GGN: variants seen among roughly 807,000 people sequenced by gnomAD.
GGN encodes gametogenetin.
Under a neutral mutation model 35.5 loss-of-function variants are expected in GGN, and 27 were observed. The ratio of observed to expected loss-of-function variants is 0.76; its 90% CI spans 0.56 to 1.05. The LOEUF is 1.05. GGN is among the 50% of genes least tolerant of loss of function. The pLI, the probability that GGN is intolerant of heterozygous loss-of-function variation, is 0.00. For synonymous variants in GGN, 425 were observed against 444.1 expected (o/e 0.96, Z 0.54); for missense variants, 1,006 against 940.7 (o/e 1.07, Z -0.91).
At position 38,386,959 on chromosome 19, in the gene GGN, C is replaced by T. The variant is rs1283556689; in HGVS notation, c.303G>A (p.Ala101=). 2 of 1,541,006 alleles carry T rather than the reference C, an allele frequency of 1.3e-6. No homozygotes were observed. Residue 101 remains alanine (A), a synonymous_variant, in exon 3 of 4, where the codon GCG becomes GCA. Coordinates refer to ENST00000334928, the MANE Select transcript of GGN (RefSeq NM_152657.4). ...TAGACGGGCCGGGCAGCAGAGTCCC[C>T]GCGGGGGCCGGGGGTGGTGCAGAGA... is the stretch of plus-strand genomic sequence containing the variant. The part of the protein sequence containing the change: ...AAVSAPPPAP[A]GTLLPGPSKW...
At position 38,385,754 on chromosome 19, in the gene GGN, G is replaced by T. The variant is rs1007622843; in HGVS notation, c.1508C>A (p.Thr503Asn). The T allele has an allele frequency of 1.3e-6, 2 of 1,596,008 alleles. No homozygotes were observed. ...APAPSPAPAP[T>N]VAEPSPPVSA... is the part of the protein sequence containing the mutation. Reference sequence around the variant, plus strand: ...CACAGGCGGCGAGGGCTCAGCCACGGTGGGAGCTGGAGCCGGGGATGGGGC... The same window carrying T: ...CACAGGCGGCGAGGGCTCAGCCACGTTGGGAGCTGGAGCCGGGGATGGGGC... Residue 503 changes from threonine to asparagine, a missense_variant, in exon 3 of 4, where the codon ACC becomes AAC. Thr to Asn is a moderately conservative substitution (Grantham distance 65, BLOSUM62 0). Transcript: ENST00000334928.
Position 38,386,385 on chromosome 19 carries a change from G to T in GGN, c.877C>A (p.Pro293Thr), listed in dbSNP as rs756975352. ...ISYAEVLKQG[P>T]LPPGAARPLG... ...GGGCGAGCGGCTCCAGGAGGCAGGGGCCCTTGCTTCAGGACCTCGGCGTAA... is the reference window on the plus strand; with the variant it reads ...GGGCGAGCGGCTCCAGGAGGCAGGGTCCCTTGCTTCAGGACCTCGGCGTAA... Residue 293 changes from proline (P) to threonine (T), a missense_variant, in exon 3 of 4, where the codon CCC becomes ACC. By Grantham distance (38) the Pro-to-Thr change is conservative. Coordinates refer to ENST00000334928, the MANE Select transcript of GGN (RefSeq NM_152657.4). 10 of 1,612,944 alleles carry T rather than the reference G, an allele frequency of 6.2e-6. No individual in the cohort carries two copies. Among genetic ancestry groups the T allele is most frequent in the Non-Finnish European group, 8.5e-6 (10 of 1,179,878 alleles).
Position 38,385,782 on chromosome 19 carries a change from G to A in GGN, c.1480C>T (p.Pro494Ser). 6.4e-7 allele frequency: 1 copy of A among 1,557,776 alleles called. No individual in the cohort carries two copies. The highest frequency in any genetic ancestry group is 8.6e-7 in the Non-Finnish European group (1 of 1,156,522). ...GGAGCTGGAGCCGGGGATGGGGCCGGGGCCTGGTCGGCGGCTAAGGCTGGG... is the reference window on the plus strand; with the variant it reads ...GGAGCTGGAGCCGGGGATGGGGCCGAGGCCTGGTCGGCGGCTAAGGCTGGG... ...LPPALAADQA[P>S]APSPAPAPTV... Residue 494 changes from proline to serine, a missense_variant, in exon 3 of 4, where the codon CCG becomes TCG. Coordinates refer to ENST00000334928, the MANE Select transcript of GGN (RefSeq NM_152657.4).
At chr19:38,385,128 C>G (rs2145134126) in intron 3 of GGN, among the ~76,000 whole-genome samples, 1 of 152,300 alleles carries the variant, frequency 6.6e-6, no homozygotes, top group African/African-American at 2.4e-5. Context: ...AGGGTCAGGC[C>G]AGCTGGGACC....
At position 38,384,439 on chromosome 19, in the gene GGN, G is replaced by T. The variant is rs781391103; in HGVS notation, c.1932C>A (p.Tyr644Ter). ...SGSLVAKLEH[Y>*]DLQATHSN ...AGTTGGAATGGGTGGCCTGCAAGTC[G>T]TAGTGCTCCAGCTTGGCCACCAGAG... Residue 644 changes from tyrosine to a stop codon, truncating the protein, a stop_gained, in exon 4 of 4, where the codon TAC becomes TAA. Transcript: ENST00000334928. LOFTEE classifies it high-confidence loss of function. 6.2e-7 allele frequency: 1 copy of T among 1,613,792 alleles called. No homozygotes were observed. Among genetic ancestry groups the T allele is most frequent in the African/African-American group, 1.3e-5 (1 of 74,920 alleles).
In GGN at chr19:38,385,616, C is replaced by T. The variant is rs1376216687; in HGVS notation, c.1646G>A (p.Arg549His). The T allele has an allele frequency of 5.0e-6, 8 of 1,614,000 alleles. No individual in the cohort carries two copies. In the South Asian group the frequency reaches 6.6e-5, roughly 13 times the overall value. ...RKDGLHGDGP[R>H]ERATATVPDS... ...AGGCACGGTAGCTGTAGCTCGTTCG[C>T]GAGGACCATCTCCATGCAAGCCATC... Residue 549 changes from arginine to histidine, a missense_variant, in exon 3 of 4, where the codon CGC (arginine) becomes CAC (histidine). Transcript: ENST00000334928.
In GGN at chr19:38,386,385, G is replaced by A; in HGVS notation, c.877C>T (p.Pro293Ser). Reference protein sequence around the residue: ...ISYAEVLKQGPLPPGAARPLG... With the variant: ...ISYAEVLKQGSLPPGAARPLG... ...GGGCGAGCGGCTCCAGGAGGCAGGG[G>A]CCCTTGCTTCAGGACCTCGGCGTAA... The change falls in exon 3 of 4, where the codon CCC becomes TCC. Residue 293 changes from proline to serine, a missense_variant. Transcript: ENST00000334928. The A allele has an allele frequency of 6.2e-7, 1 of 1,612,944 alleles. No homozygotes were observed. Among genetic ancestry groups the A allele is most frequent in the Non-Finnish European group, 8.5e-7 (1 of 1,179,878 alleles).
At chr19:38,388,247 C>A (rs891113691), upstream of GGN, among the ~76,000 whole-genome samples, 7 of 152,166 alleles carry the variant, frequency 4.6e-5, no homozygotes, top group African/African-American at 1.4e-4. Flanking sequence ...CTCCTTCCCC[C>A]CGGGCGCCGA....
At chr19:38,384,587 T>G (rs1970679626) in intron 3 of GGN, 58 bp from the exon 4 acceptor site, 2 of 1,242,376 alleles carry the variant, frequency 1.6e-6, no homozygotes, top group African/African-American at 3.0e-5. Context: ...CTCTAGCCCT[T>G]CTAGGGCCTC....
Position 38,387,581 on chromosome 19 carries a change from C to T in GGN, c.-20+180G>A, listed in dbSNP as rs2145144249. 6.6e-6 allele frequency among the ~76,000 whole-genome samples: 1 copy of T among 152,318 alleles called. No homozygotes were observed. The highest frequency in any genetic ancestry group is 2.1e-4 in the South Asian group (1 of 4,830). On this transcript the variant is annotated intron_variant, in intron 2 of 3. Transcript: ENST00000334928. This position sits in a 1 kb window ranked among gnomAD's most constrained non-coding sequence, Gnocchi z 5.3. ...TCAGTCCTCTCCTCTAACTCTCCGA[C>T]TCCCCGCCTCTCTCTAGAGCACCTG... is the stretch of plus-strand genomic sequence containing the variant.
chr19:38,385,922 G>T lies in GGN; in HGVS notation c.1340C>A (p.Pro447His). 1 of 1,574,904 alleles carries T rather than the reference G, an allele frequency of 6.3e-7. No homozygotes were observed. The highest frequency in any genetic ancestry group is 8.6e-7 in the Non-Finnish European group (1 of 1,162,042). Residue 447 changes from proline (P) to histidine (H), a missense_variant, in exon 3 of 4, where the codon CCC becomes CAC. Physicochemically the swap from Pro to His is moderately conservative, Grantham distance 77. Coordinates refer to ENST00000334928, the MANE Select transcript of GGN (RefSeq NM_152657.4). ...CTGGAGCGCTGGTGGCTGCAGTGTG[G>T]GCGGCGGTGTGGGCGGTGGCAGCGG... ...LPPLPPPTPP[P>H]TLQPPALQPT...
Position 38,387,221 on chromosome 19 carries a change from G to A in GGN, c.41C>T (p.Ser14Phe). Residue 14 changes from serine to phenylalanine, a missense_variant, in exon 3 of 4, where the codon TCC becomes TTC. Coordinates refer to ENST00000334928, the MANE Select transcript of GGN (RefSeq NM_152657.4). This position sits in a 1 kb window ranked among gnomAD's most constrained non-coding sequence, Gnocchi z 5.3. The part of the protein sequence containing the change: ...LQSEPSAGGG[S>F]RKVQPSDRAP... ...GCGGTCCGAGGGCTGCACTTTTCGG[G>A]AGCCCCCGCCCGCGGATGGCTCCGA... 2 of 1,595,340 alleles carry A rather than the reference G, an allele frequency of 1.3e-6. No individual in the cohort carries two copies. Among genetic ancestry groups the A allele is most frequent in the Non-Finnish European group, 1.7e-6 (2 of 1,172,078 alleles).
Position 38,385,967 on chromosome 19 carries a change from G to C in GGN, c.1295C>G (p.Pro432Arg). 3 of 1,603,392 alleles carry C rather than the reference G, an allele frequency of 1.9e-6. No individual in the cohort carries two copies. Among genetic ancestry groups the C allele is most frequent in the Non-Finnish European group, 2.6e-6 (3 of 1,175,412 alleles). The change falls in exon 3 of 4, where the codon CCA becomes CGA. Residue 432 changes from proline to arginine, a missense_variant. Transcript: ENST00000334928. ...CAGCGGTGGTAACTCCTGCAGGCCT[G>C]GAGGCCCCGGGCGCATGGGCTCGCC... ...TNGEPMRPGP[P>R]GLQELPPLPP...
rs1970727853 is a variant in GGN at position 38,386,562 on chromosome 19, C to T, written c.700G>A (p.Asp234Asn). ...AGCAGGCTCAGACCGGACTCGGAAT[C>T]CGCAGGCTGGGCCATTTCGCCTTCG... ...AGEGEMAQPA[D>N]SESGLSLLCK... The change falls in exon 3 of 4, where the codon GAT (aspartate) becomes AAT (asparagine). Residue 234 changes from aspartate (D) to asparagine (N), a missense_variant. By Grantham distance (23) the Asp-to-Asn change is conservative. Transcript: ENST00000334928. The T allele has an allele frequency of 6.2e-6, 10 of 1,613,652 alleles. No homozygotes were observed. Among genetic ancestry groups the T allele is most frequent in the Non-Finnish European group, 8.5e-6 (10 of 1,179,958 alleles).
chr19:38,387,333 G>A lies in GGN; in HGVS notation c.-19-53C>T. 1 of 1,488,118 alleles carries A rather than the reference G, an allele frequency of 6.7e-7. No individual in the cohort carries two copies. The allele number at this position is 1,488,118 out of a possible 1,614,324, so 92.2% of individuals were successfully genotyped here. The stretch of plus-strand genomic sequence containing the variant: ...CCTGCCAGGGCCGTGGGGACCCTAC[G>A]AGGCTGGCTGTACTTGATCTAATGC... On this transcript the variant is annotated intron_variant, in intron 2 of 3. Coordinates refer to ENST00000334928, the MANE Select transcript of GGN (RefSeq NM_152657.4). The surrounding 1 kb of genome is among the most constrained non-coding windows in gnomAD (Gnocchi z 5.3).
Position 38,386,888 on chromosome 19 carries a change from A to G in GGN, c.374T>C (p.Leu125Pro), listed in dbSNP as rs1970739114. 4 of 1,574,126 alleles carry G rather than the reference A, an allele frequency of 2.5e-6. No individual in the cohort carries two copies. Among genetic ancestry groups the G allele is most frequent in the Non-Finnish European group, 3.4e-6 (4 of 1,160,870 alleles). ...AGTPVPRIRR[L>P]LEASHRGQGD... ...CTGGCCGCGATGGCTCGCCTCCAGC[A>G]GGCGGCGGATCCGGGGAACTGGAGT... The change falls in exon 3 of 4, where the codon CTG becomes CCG. Residue 125 changes from leucine to proline, a missense_variant. Physicochemically the swap from Leu to Pro is moderately conservative, Grantham distance 98. Transcript: ENST00000334928.
In GGN at chr19:38,385,821, C is replaced by A; in HGVS notation, c.1441G>T (p.Ala481Ser). 6.5e-7 allele frequency: 1 copy of A among 1,540,416 alleles called. No homozygotes were observed. Among genetic ancestry groups the A allele is most frequent in the Non-Finnish European group, 8.7e-7 (1 of 1,147,536 alleles). The change falls in exon 3 of 4, where the codon GCC becomes TCC. Residue 481 changes from alanine (A) to serine (S), a missense_variant. Transcript: ENST00000334928. ...GCTAAGGCTGGGGGCAGAGCAGGGGCTGCGGTGGGAGCCAGGGCTGACTCC... is the reference window on the plus strand; with the variant it reads ...GCTAAGGCTGGGGGCAGAGCAGGGGATGCGGTGGGAGCCAGGGCTGACTCC... ...HKESALAPTA[A>S]PALPPALAAD...
In GGN at chr19:38,386,332, C is replaced by G. The variant is rs1439324693; in HGVS notation, c.930G>C (p.Gln310His). ...RPLGEVSRGA[Q>H]EAEGGDGDGE... ...CGTCTCCATCACCTCCCTCGGCTTC[C>G]TGTGCCCCTCGAGAAACCTCTCCCA... The change falls in exon 3 of 4, where the codon CAG (glutamine) becomes CAC (histidine). Residue 310 changes from glutamine to histidine, a missense_variant. Coordinates refer to ENST00000334928, the MANE Select transcript of GGN (RefSeq NM_152657.4). 1 of 1,612,410 alleles carries G rather than the reference C, an allele frequency of 6.2e-7. No homozygotes were observed. The highest frequency in any genetic ancestry group is 1.7e-5 in the Admixed American group (1 of 59,876).
At position 38,386,999 on chromosome 19, in the gene GGN, T is replaced by C. The variant is rs201660764; in HGVS notation, c.263A>G (p.Glu88Gly). The change falls in exon 3 of 4, where the codon GAA becomes GGA. Residue 88 changes from glutamate to glycine, a missense_variant. Coordinates refer to ENST00000334928, the MANE Select transcript of GGN (RefSeq NM_152657.4). ...TGGTGCAGAGACCGCGGCCGCCTCT[T>C]CAGGAGGGGGCATCACTGGAGAGGG... is the stretch of plus-strand genomic sequence containing the variant. Reference protein sequence around the residue: ...ERPSPVMPPPEEAAAVSAPPP... With the variant: ...ERPSPVMPPPGEAAAVSAPPP... The C allele has an allele frequency of 9.3e-5, 144 of 1,541,274 alleles. No homozygotes were observed. The African/African-American group carries it at 1.9e-3, about 21-fold the overall frequency.
Sources: allele counts gnomAD v4.1 joint callset (sites outside exome capture counted in the v4.1 genomes callset), GRCh38; gene constraint gnomAD v4.1.1; non-coding constraint Gnocchi (gnomAD v3.1); transcripts MANE v1.5; gene names NCBI Gene and HGNC (gene_info 2026-07-23, HGNC 2026-07-21).